CCKBR: variants seen among roughly 807,000 people sequenced by gnomAD.
The protein encoded by CCKBR is cholecystokinin B receptor, also known as gastrin/cholecystokinin type B receptor.
Under a neutral mutation model 34.6 loss-of-function variants are expected in CCKBR, and 33 were observed. The observed-to-expected ratio is 0.95, with a 90% CI of 0.72 to 1.27. The LOEUF (loss-of-function observed/expected upper bound fraction) is 1.27, where lower values mean the gene tolerates loss of function less well. Among genes scored for constraint, CCKBR ranks in the 50% most tolerant of loss-of-function variants. The pLI is 0.00. For missense variants in CCKBR, 652 were observed against 617.4 expected, an observed-to-expected ratio of 1.06 and a Z score of -0.59; for synonymous variants, 269 against 267.5, an observed-to-expected ratio of 1.01 and a Z score of -0.06.
intron 1 of CCKBR, among the ~76,000 whole-genome samples, chr11:6,262,329 C>A (rs1001600628): frequency 6.6e-6 from 1 of 151,834 alleles, no homozygotes; most frequent in Non-Finnish European, 1.5e-5. Flanking sequence ...GGTCCTAGGT[C>A]AAGACTCTGC....
Position 6,261,133 on chromosome 11 carries a change from C to T in CCKBR, c.151+1054C>T, listed in dbSNP as rs114826025. On this transcript the variant is annotated intron_variant, in intron 1 of 4. Transcript: ENST00000334619. ...TCAGCCGAGTTGTTACACACTCACA[C>T]TTGGATTCTGTCATTCAGCCAATAT... 4.8e-3 allele frequency among the ~76,000 whole-genome samples: 727 copies of T among 152,222 alleles called. 6 individuals are homozygous for T. Among genetic ancestry groups the T allele is most frequent in the African/African-American group, 0.017 (697 of 41,522 alleles).
chr11:6,261,671 G>T (rs992442823), intron 1 of CCKBR, among the ~76,000 whole-genome samples: 3 of 152,008 alleles, frequency 2.0e-5, no homozygotes, highest in African/African-American at 4.8e-5. Context: ...TAATGAACAG[G>T]CTGGAGACCA....
At chr11:6,263,605 G>A (rs1043010572) in intron 1 of CCKBR, among the ~76,000 whole-genome samples, 4 of 151,838 alleles carry the variant, frequency 2.6e-5, no homozygotes, top group African/African-American at 9.7e-5. Context: ...TAAATAGCTG[G>A]GACTACAGGC....
Position 6,271,421 on chromosome 11 carries a change from T to A in CCKBR, c.1222T>A (p.Cys408Ser), listed in dbSNP as rs776196223. The A allele has an allele frequency of 1.1e-5, 17 of 1,613,814 alleles. No homozygotes were observed. The highest frequency in any genetic ancestry group is 1.4e-5 in the Non-Finnish European group (16 of 1,180,032). ...GGCCTGCCTGGAAACTTGCGCTCGC[T>A]GCTGCCCCCGGCCTCCACGAGCTCG... The part of the protein sequence containing the change: ...RQACLETCAR[C>S]CPRPPRARPR... The change falls in exon 5 of 5, where the codon TGC becomes AGC. Residue 408 changes from cysteine to serine, a missense_variant. Transcript: ENST00000334619.
At position 6,270,267 on chromosome 11, in the gene CCKBR, G is replaced by A. The variant is rs1277674400; in HGVS notation, c.583G>A (p.Val195Met). The change falls in exon 3 of 5, where the codon GTG (valine) becomes ATG (methionine). Residue 195 changes from valine to methionine, a missense_variant. Coordinates refer to ENST00000334619, the MANE Select transcript of CCKBR (RefSeq NM_176875.4). ...GGTGCCCTACCCCGTGTACACTGTC[G>A]TGCAACCAGTGGGGCCTCGTGTGCT... Reference protein sequence around the residue: ...LMVPYPVYTVVQPVGPRVLQC... With the variant: ...LMVPYPVYTVMQPVGPRVLQC... 1.2e-6 allele frequency: 2 copies of A among 1,613,266 alleles called. No homozygotes were observed. Among genetic ancestry groups the A allele is most frequent in the East Asian group, 2.2e-5 (1 of 44,880 alleles).
chr11:6,267,552 T>C (rs1848227593), intron 1 of CCKBR, among the ~76,000 whole-genome samples: 1 of 152,196 alleles, frequency 6.6e-6, no homozygotes, highest in Non-Finnish European at 1.5e-5. Context: ...AGGACCTGCC[T>C]GAGTCTGTTT....
chr11:6,262,682 AAGAAAGAG>A (rs1462421794), intron 1 of CCKBR, among the ~76,000 whole-genome samples: 11 of 90,066 alleles, frequency 1.2e-4, no homozygotes, highest in South Asian at 4.9e-4. Context: ...CTGGTAGGCA[AAGAAAGAG>A]AGAGAGAGAG....
intron 1 of CCKBR, among the ~76,000 whole-genome samples, chr11:6,260,730 T>G (rs1205101247): frequency 6.6e-6 from 1 of 152,244 alleles, no homozygotes; most frequent in Non-Finnish European, 1.5e-5. Flanking sequence ...TCTCTTTGTC[T>G]GCAAGTAATG....
chr11:6,270,988 G>A, intron 4 of CCKBR, 23 bp from the exon 5 acceptor site: 1 of 1,613,334 alleles, frequency 6.2e-7, no homozygotes, highest in Non-Finnish European at 8.5e-7. Context: ...CTTTTTCTCT[G>A]ACCGCCCACC....
At chr11:6,267,572 C>G (rs978985515) in intron 1 of CCKBR, among the ~76,000 whole-genome samples, 1 of 152,020 alleles carries the variant, frequency 6.6e-6, no homozygotes, top group Non-Finnish European at 1.5e-5. Flanking sequence ...TTATAGTTAA[C>G]TTTTTTAAAA....
Position 6,271,344 on chromosome 11 carries a change from C to T in CCKBR, c.1145C>T (p.Ser382Leu). Residue 382 changes from serine to leucine, a missense_variant, in exon 5 of 5, where the codon TCG (serine) becomes TTG (leucine). Coordinates refer to ENST00000334619, the MANE Select transcript of CCKBR (RefSeq NM_176875.4). ...ISFIHLLSYA[S>L]ACVNPLVYCF... ...TTCATTCACTTGCTGAGCTACGCCT[C>T]GGCCTGTGTCAACCCCCTGGTCTAC... The T allele has an allele frequency of 1.2e-6, 2 of 1,614,212 alleles. No homozygotes were observed. Among genetic ancestry groups the T allele is most frequent in the Admixed American group, 1.7e-5 (1 of 60,028 alleles).
At position 6,271,757 on chromosome 11, in the gene CCKBR, C is replaced by T. The variant is rs1848322003; in HGVS notation, c.*214C>T. 3 of 537,906 alleles carry T rather than the reference C, an allele frequency of 5.6e-6. No homozygotes were observed. Among genetic ancestry groups the T allele is most frequent in the Non-Finnish European group, 9.7e-6 (3 of 308,274 alleles). 33.3% of individuals were successfully genotyped at this position (537,906 alleles called of 1,614,324 possible). Reference sequence around the variant, plus strand: ...GCATGCCTCTGATATGGGACTGAGCCTGGCCCATAGAAACATGACACTGAC... The same window carrying T: ...GCATGCCTCTGATATGGGACTGAGCTTGGCCCATAGAAACATGACACTGAC... On this transcript the variant is annotated 3_prime_UTR_variant, in exon 5 of 5. Coordinates refer to ENST00000334619, the MANE Select transcript of CCKBR (RefSeq NM_176875.4).
rs1848320388 is a variant in CCKBR, at chr11:6,271,670, C to T, written c.*127C>T. On this transcript the variant is annotated 3_prime_UTR_variant, in exon 5 of 5. Transcript: ENST00000334619. ...CAAAGCATGGACTAACCCCAACGCA[C>T]AGGAAAAGGTAGCTTACCTGACACA... 5 of 930,054 alleles carry T rather than the reference C, an allele frequency of 5.4e-6. No homozygotes were observed. Among genetic ancestry groups the T allele is most frequent in the Admixed American group, 5.9e-5 (2 of 33,704 alleles). The allele number at this position is 930,054 out of a possible 1,614,324, so 57.6% of individuals were successfully genotyped here. A position where few individuals can be genotyped will look rare whatever the true frequency, so the allele number is the denominator to read the frequency against.
chr11:6,271,296 C>G lies in CCKBR; in HGVS notation c.1097C>G (p.Ala366Gly). ...RAFDGPGAHR[A>G]LSGAPISFIH... is the part of the protein sequence containing the mutation. Reference sequence around the variant, plus strand: ...TTTGATGGCCCGGGTGCACACCGAGCACTCTCGGGTGCTCCTATCTCCTTC... The same window carrying G: ...TTTGATGGCCCGGGTGCACACCGAGGACTCTCGGGTGCTCCTATCTCCTTC... The change falls in exon 5 of 5, where the codon GCA (alanine) becomes GGA (glycine). Residue 366 changes from alanine (A) to glycine (G), a missense_variant. By Grantham distance (60) the Ala-to-Gly change is moderately conservative. Transcript: ENST00000334619. 1 of 1,614,220 alleles carries G rather than the reference C, an allele frequency of 6.2e-7. No individual in the cohort carries two copies. Among genetic ancestry groups the G allele is most frequent in the Non-Finnish European group, 8.5e-7 (1 of 1,180,016 alleles).
rs375271021 is a variant in CCKBR, at chr11:6,265,148, G to A, written c.152-4521G>A. Reference sequence around the variant, plus strand: ...CTGGCTCTAAAATTGCTTTTAATTAGAATTTTTCACATTTCTGAACTGTTC... The same window carrying A: ...CTGGCTCTAAAATTGCTTTTAATTAAAATTTTTCACATTTCTGAACTGTTC... On this transcript the variant is annotated intron_variant, in intron 1 of 4. Coordinates refer to ENST00000334619, the MANE Select transcript of CCKBR (RefSeq NM_176875.4). 6.6e-5 allele frequency among the ~76,000 whole-genome samples: 10 copies of A among 152,192 alleles called. No homozygotes were observed. In the East Asian group the frequency reaches 1.4e-3, roughly 21 times the overall value.
At position 6,259,967 on chromosome 11, in the gene CCKBR, C is replaced by G. The variant is rs764889395; in HGVS notation, c.39C>G (p.Thr13=). 1.6e-5 allele frequency: 24 copies of G among 1,547,214 alleles called. No homozygotes were observed. Among genetic ancestry groups the G allele is most frequent in the Non-Finnish European group, 2.1e-5 (24 of 1,151,630 alleles). ...AGCTGAACCGGAGCGTGCAGGGAAC[C>G]GGACCCGGGCCGGGGGCTTCCCTGT... ...LLKLNRSVQG[T]GPGPGASLCR... is the part of the protein sequence containing the mutation. Residue 13 remains threonine, a synonymous_variant, in exon 1 of 5, where the codon ACC becomes ACG. Coordinates refer to ENST00000334619, the MANE Select transcript of CCKBR (RefSeq NM_176875.4).
At chr11:6,261,466 C>T (rs11040822) in intron 1 of CCKBR, among the ~76,000 whole-genome samples, 2,854 of 72,318 alleles carry the variant, frequency 0.039, 104 homozygotes, top group East Asian at 0.19. Context: ...TATATATACA[C>T]ACACACACAC....
Position 6,269,865 on chromosome 11 carries a change from C to T in CCKBR, c.348C>T (p.Leu116=). 6.2e-7 allele frequency: 1 copy of T among 1,614,058 alleles called. No individual in the cohort carries two copies. The highest frequency in any genetic ancestry group is 1.1e-5 in the South Asian group (1 of 91,080). The change falls in exon 2 of 5, where the codon CTC becomes CTT. Residue 116 remains leucine (L), a synonymous_variant. Coordinates refer to ENST00000334619, the MANE Select transcript of CCKBR (RefSeq NM_176875.4). ...TGCCCTTCACCCTCCTGCCCAATCT[C>T]ATGGGCACATTCATCTTTGGCACCG... ...ACMPFTLLPN[L]MGTFIFGTVI...
intron 1 of CCKBR, among the ~76,000 whole-genome samples, chr11:6,264,995 G>A (rs1848190803): frequency 6.6e-6 from 1 of 152,128 alleles, no homozygotes; most frequent in African/African-American, 2.4e-5. Context: ...GTGTTGTATG[G>A]TTCTATAGGT....
Sources: gnomAD v4.1 joint callset for allele counts (sites outside exome capture counted in the v4.1 genomes callset) on GRCh38, gnomAD v4.1.1 for gene constraint, MANE v1.5 for transcripts, NCBI Gene and HGNC (gene_info 2026-07-23, HGNC 2026-07-21) for gene names.